Variants in MEPE observed in about 807,000 individuals in gnomAD.
MEPE encodes matrix extracellular phosphoglycoprotein.
Under a neutral mutation model 7.3 loss-of-function variants are expected in MEPE, and 7 were observed. That is an observed-to-expected ratio of 0.95 (90% CI 0.54 to 1.79). The LOEUF is 1.79. MEPE is among the 40% of genes most tolerant of loss of function. The pLI is 0.00. For missense variants in MEPE, 623 were observed against 628.2 expected (o/e 0.99, Z 0.09); for synonymous variants, 214 against 213.1 (o/e 1.00, Z -0.04).
chr4:87,827,662 G>T (rs1016254814), intron 1 of MEPE, among the ~76,000 whole-genome samples: 2 of 152,200 alleles, frequency 1.3e-5, no homozygotes, highest in Admixed American at 6.5e-5. Context: ...GAAAGGGCTA[G>T]CATCATTATA....
At chr4:87,826,647 C>T (rs1319900357) in intron 1 of MEPE, among the ~76,000 whole-genome samples, 1 of 152,144 alleles carries the variant, frequency 6.6e-6, no homozygotes, top group African/African-American at 2.4e-5. Flanking sequence ...GCCTCACCAA[C>T]ATCTGTTGTT....
In MEPE at chr4:87,845,337, C is replaced by A; in HGVS notation, c.469C>A (p.Pro157Thr). The stretch of plus-strand genomic sequence containing the variant: ...AAATAACATGCAACATATAATGGGG[C>A]CAGTGACTGCGATTAAACTCCTGGG... ...IRNNMQHIMG[P>T]VTAIKLLGEE... Residue 157 changes from proline to threonine, a missense_variant, in exon 4 of 4, where the codon CCA becomes ACA. Coordinates refer to ENST00000361056, the MANE Select transcript of MEPE (RefSeq NM_020203.6). 6.2e-7 allele frequency: 1 copy of A among 1,613,854 alleles called. No homozygotes were observed. The highest frequency in any genetic ancestry group is 8.5e-7 in the Non-Finnish European group (1 of 1,179,904).
At position 87,846,439 on chromosome 4, in the gene MEPE, G is replaced by A. The variant is rs746948427; in HGVS notation, c.1571G>A (p.Gly524Asp). 1.9e-5 allele frequency: 31 copies of A among 1,611,824 alleles called. No homozygotes were observed. The highest frequency in any genetic ancestry group is 2.5e-5 in the Non-Finnish European group (29 of 1,178,916). Residue 524 changes from glycine (G) to aspartate (D), a missense_variant, in exon 4 of 4, where the codon GGT becomes GAT. Coordinates refer to ENST00000361056, the MANE Select transcript of MEPE (RefSeq NM_020203.6). ...AGTGGCAGTTCAAGTGAGAGCGATG[G>A]TGACTAGTCCACCAGGAGTTCCCAG... The part of the protein sequence containing the change: ...SDSGSSSESD[G>D]D
intron 3 of MEPE, chr4:87,839,848 G>C: frequency 6.5e-7 from 1 of 1,543,506 alleles, no homozygotes; most frequent in Non-Finnish European, 8.8e-7. Flanking sequence ...GAAAATGTAG[G>C]GGAGGCAAAG....
At position 87,834,732 on chromosome 4, in the gene MEPE, G is replaced by A. The variant is rs768628022; in HGVS notation, c.18G>A (p.Val6=). ...TCTCAAAGATGCGAGTTTTCTGTGTGGGACTACTCCTTTTCAGTGTGACCT... is the reference window on the plus strand; with the variant it reads ...TCTCAAAGATGCGAGTTTTCTGTGTAGGACTACTCCTTTTCAGTGTGACCT... The part of the protein sequence containing the change: MRVFC[V]GLLLFSVTWA... The change falls in exon 2 of 4, where the codon GTG becomes GTA. Residue 6 remains valine, a synonymous_variant. Coordinates refer to ENST00000361056, the MANE Select transcript of MEPE (RefSeq NM_020203.6). 6.2e-7 allele frequency: 1 copy of A among 1,613,136 alleles called. No homozygotes were observed. The highest frequency in any genetic ancestry group is 8.5e-7 in the Non-Finnish European group (1 of 1,179,630).
At chr4:87,839,354 T>C (rs1034530741) in intron 3 of MEPE, among the ~76,000 whole-genome samples, 5 of 152,164 alleles carry the variant, frequency 3.3e-5, no homozygotes, top group Non-Finnish European at 7.4e-5. Flanking sequence ...TTTCTCCTGG[T>C]CCTCTCACCC....
chr4:87,846,287 C>T lies in MEPE; in HGVS notation c.1419C>T (p.Pro473=), dbSNP rs574076245. Residue 473 remains proline (P), a synonymous_variant, in exon 4 of 4, where the codon CCC becomes CCT. Transcript: ENST00000361056. ...ITHGRKYHYV[P]HRQNNSTRNK... Reference sequence around the variant, plus strand: ...ATGGCAGAAAATATCATTATGTACCCCACAGACAAAATAATTCTACACGGA... The same window carrying T: ...ATGGCAGAAAATATCATTATGTACCTCACAGACAAAATAATTCTACACGGA... 1.5e-5 allele frequency: 25 copies of T among 1,613,976 alleles called. No individual in the cohort carries two copies. The East Asian group carries it at 4.2e-4, about 27-fold the overall frequency.
intron 1 of MEPE, among the ~76,000 whole-genome samples, chr4:87,824,538 C>T (rs1160082708): frequency 6.6e-6 from 1 of 152,176 alleles, no homozygotes; most frequent in Non-Finnish European, 1.5e-5. Context: ...AACAAATGAA[C>T]ATGACTGTGT....
At position 87,845,307 on chromosome 4, in the gene MEPE, A is replaced by C; in HGVS notation, c.439A>C (p.Ile147Leu). The change falls in exon 4 of 4, where the codon ATC (isoleucine) becomes CTC (leucine). Residue 147 changes from isoleucine to leucine, a missense_variant. Coordinates refer to ENST00000361056, the MANE Select transcript of MEPE (RefSeq NM_020203.6). ...CCAAGAAGAATATGGCGCAGCTCTC[A>C]TCAGAAATAACATGCAACATATAAT... ...HDQEEYGAAL[I>L]RNNMQHIMGP... The C allele has an allele frequency of 1.9e-6, 3 of 1,614,046 alleles. No homozygotes were observed. The highest frequency in any genetic ancestry group is 2.5e-6 in the Non-Finnish European group (3 of 1,179,952).
At chr4:87,834,206 T>C (rs1318638377) in intron 1 of MEPE, among the ~76,000 whole-genome samples, 1 of 152,216 alleles carries the variant, frequency 6.6e-6, no homozygotes, top group Non-Finnish European at 1.5e-5. Flanking sequence ...CATGGATGGC[T>C]ACTAATTCAG....
intron 1 of MEPE, 41 bp from the exon 2 acceptor site, chr4:87,834,662 C>T: frequency 6.7e-7 from 1 of 1,491,914 alleles, no homozygotes; most frequent in Non-Finnish European, 9.3e-7. Context: ...CAGTTTATAA[C>T]TGGCAATGCT....
chr4:87,827,724 T>G (rs931490086), intron 1 of MEPE, among the ~76,000 whole-genome samples: 1 of 152,162 alleles, frequency 6.6e-6, no homozygotes, highest in African/African-American at 2.4e-5. Flanking sequence ...GAGTAAGACA[T>G]CTCTCTAATA....
rs1290263358 is a variant in MEPE, at chr4:87,846,220, T to C, written c.1352T>C (p.Met451Thr). ...RGLDNEIKNEMDSFNGPSHEN... is the reference protein window; with the variant it reads ...RGLDNEIKNETDSFNGPSHEN... The stretch of plus-strand genomic sequence containing the variant: ...CTTGATAATGAAATCAAAAACGAAA[T>C]GGATTCCTTTAATGGCCCCAGTCAT... The change falls in exon 4 of 4, where the codon ATG becomes ACG. Residue 451 changes from methionine to threonine, a missense_variant. By Grantham distance (81) the Met-to-Thr change is moderately conservative. Transcript: ENST00000361056. 4 of 1,613,836 alleles carry C rather than the reference T, an allele frequency of 2.5e-6. No individual in the cohort carries two copies. Among genetic ancestry groups the C allele is most frequent in the Admixed American group, 3.3e-5 (2 of 59,948 alleles).
intron 1 of MEPE, among the ~76,000 whole-genome samples, chr4:87,824,509 C>T (rs1404213760): frequency 6.6e-6 from 1 of 152,232 alleles, no homozygotes; most frequent in Non-Finnish European, 1.5e-5. Context: ...GTAGTGAAAG[C>T]AGCCATAGAC....
chr4:87,842,747 A>G (rs1723061485), intron 3 of MEPE, among the ~76,000 whole-genome samples: 1 of 152,210 alleles, frequency 6.6e-6, no homozygotes, highest in Non-Finnish European at 1.5e-5. Context: ...TTGCATCAGG[A>G]AAAATGGATA....
chr4:87,828,741 A>G (rs931915707), upstream of MEPE, among the ~76,000 whole-genome samples: 10 of 152,190 alleles, frequency 6.6e-5, no homozygotes, highest in African/African-American at 2.4e-4. Flanking sequence ...TCCATGGAGT[A>G]CTTCCTTCCA....
chr4:87,836,784 T>A (rs1722812608), intron 2 of MEPE, among the ~76,000 whole-genome samples: 1 of 152,232 alleles, frequency 6.6e-6, no homozygotes, highest in Admixed American at 6.5e-5. Context: ...AATTAAAATA[T>A]CTTCTCTACT....
chr4:87,835,724 C>A lies in MEPE; in HGVS notation c.54+956C>A, dbSNP rs536212504. 1.4e-4 allele frequency among the ~76,000 whole-genome samples: 21 copies of A among 152,138 alleles called. No homozygotes were observed. In the South Asian group the frequency reaches 4.4e-3, roughly 32 times the overall value. The stretch of plus-strand genomic sequence containing the variant: ...CTGTACTGCTCACAACACACATTTG[C>A]GAGACCCCATGCACAGACCTCACTC... On this transcript the variant is annotated intron_variant, in intron 2 of 3. Transcript: ENST00000361056.
chr4:87,846,225 T>G lies in MEPE; in HGVS notation c.1357T>G (p.Ser453Ala), dbSNP rs150220687. ...LDNEIKNEMDSFNGPSHENII... is the reference protein window; with the variant it reads ...LDNEIKNEMDAFNGPSHENII... ...TAATGAAATCAAAAACGAAATGGAT[T>G]CCTTTAATGGCCCCAGTCATGAGAA... Residue 453 changes from serine to alanine, a missense_variant, in exon 4 of 4, where the codon TCC becomes GCC. Transcript: ENST00000361056. 6.8e-6 allele frequency: 11 copies of G among 1,613,882 alleles called. No homozygotes were observed. The highest frequency in any genetic ancestry group is 1.7e-5 in the Admixed American group (1 of 59,958).
Sources: allele counts gnomAD v4.1 joint callset (sites outside exome capture counted in the v4.1 genomes callset), GRCh38; gene constraint gnomAD v4.1.1; transcripts MANE v1.5; gene names NCBI Gene and HGNC (gene_info 2026-07-23, HGNC 2026-07-21).